The following KIF6 variants were observed in gnomAD, a reference collection of about 807,000 sequenced individuals.
KIF6 encodes kinesin family member 6.
In KIF6, 106 loss-of-function variants were observed where a neutral mutation model predicts 112.7. The observed-to-expected ratio is 0.94, with a 90% confidence interval of 0.80 to 1.11. The LOEUF (loss-of-function observed/expected upper bound fraction) is 1.11, where lower values mean the gene tolerates loss of function less well. Among genes scored for constraint, KIF6 ranks in the 50% least tolerant of loss-of-function variants. KIF6 has a pLI of 0.00. For synonymous variants in KIF6, 339 were observed against 339.9 expected (o/e 1.00, Z 0.03); for missense variants, 929 against 964.0 (o/e 0.96, Z 0.48).
At chr6:39,706,157 T>G (rs185104702) in intron 3 of KIF6, among the ~76,000 whole-genome samples, 2 of 152,344 alleles carry the variant, frequency 1.3e-5, no homozygotes, top group Admixed American at 1.3e-4. Flanking sequence ...ATCAAATAGC[T>G]TCATGCAACT....
chr6:39,557,474 T>G (rs1421104746), intron 10 of KIF6, among the ~76,000 whole-genome samples: 1 of 152,076 alleles, frequency 6.6e-6, no homozygotes, highest in Non-Finnish European at 1.5e-5. Context: ...AAAGGAAAAG[T>G]GCAAATTTAG....
chr6:39,634,852 A>T lies in KIF6; in HGVS notation c.506T>A (p.Leu169Ter). ...PRHEASSLED[L>*]PKVTILEDPD... is the part of the protein sequence containing the mutation. ...TCTTTGTTGTTCTGCTACTCACGGCAAATCTTCCAAACTGGAGGCTTCATG... is the reference window on the plus strand; with the variant it reads ...TCTTTGTTGTTCTGCTACTCACGGCTAATCTTCCAAACTGGAGGCTTCATG... Residue 169 changes from leucine to a stop codon, truncating the protein, a stop_gained, in exon 5 of 23, where the codon TTG becomes TAG. Coordinates refer to ENST00000287152, the MANE Select transcript of KIF6 (RefSeq NM_145027.6). LOFTEE classifies it high-confidence loss of function. 6.3e-7 allele frequency: 1 copy of T among 1,586,148 alleles called. No individual in the cohort carries two copies. The highest frequency in any genetic ancestry group is 1.1e-5 in the South Asian group (1 of 90,468).
intron 18 of KIF6, 51 bp from the exon 19 acceptor site, chr6:39,357,425 A>AG (rs1279216259): frequency 2.9e-6 from 3 of 1,027,776 alleles, no homozygotes; most frequent in Non-Finnish European, 4.5e-6. Flanking sequence ...CTAATGACAT[A>AG]GGAAGATGTT....
intron 17 of KIF6, among the ~76,000 whole-genome samples, chr6:39,361,776 C>T (rs9380849): frequency 0.43 from 55,968 of 128,730 alleles, 10,756 homozygotes; most frequent in Middle Eastern, 0.5. Flanking sequence ...GGGTGTGCGT[C>T]GGGGGGCAGG....
chr6:39,392,003 T>C (rs1189683363), intron 15 of KIF6, among the ~76,000 whole-genome samples: 1 of 152,224 alleles, frequency 6.6e-6, no homozygotes. Flanking sequence ...TGATACTTCA[T>C]GTCTCATGTC....
chr6:39,404,039 A>G (rs1310626263), intron 15 of KIF6, among the ~76,000 whole-genome samples: 1 of 152,008 alleles, frequency 6.6e-6, no homozygotes, highest in Non-Finnish European at 1.5e-5. Flanking sequence ...TTTGAGAGTT[A>G]ATATTTATGT....
At chr6:39,655,007 C>T (rs1471651667) in intron 3 of KIF6, among the ~76,000 whole-genome samples, 3 of 152,138 alleles carry the variant, frequency 2.0e-5, no homozygotes, top group Non-Finnish European at 4.4e-5. Context: ...GGTATACATT[C>T]AGTTTTGATA....
At chr6:39,430,027 C>T (rs1488210604) in intron 14 of KIF6, among the ~76,000 whole-genome samples, 1 of 152,188 alleles carries the variant, frequency 6.6e-6, no homozygotes, top group Non-Finnish European at 1.5e-5. Context: ...AATCTCTGTA[C>T]ACTTCCCAGT....
chr6:39,411,298 T>C (rs1346682192), intron 15 of KIF6, among the ~76,000 whole-genome samples: 1 of 152,196 alleles, frequency 6.6e-6, no homozygotes, highest in African/African-American at 2.4e-5. Context: ...CTCTTGGCTC[T>C]CCAGGTCCTG....
chr6:39,435,050 T>A (rs1233660252), intron 13 of KIF6, among the ~76,000 whole-genome samples: 2 of 152,168 alleles, frequency 1.3e-5, no homozygotes, highest in African/African-American at 2.4e-5. Context: ...GAGGCTTACA[T>A]AAATAAGTGA....
intron 13 of KIF6, among the ~76,000 whole-genome samples, chr6:39,472,281 A>G (rs1774161499): frequency 6.6e-6 from 1 of 152,016 alleles, no homozygotes; most frequent in Non-Finnish European, 1.5e-5. Flanking sequence ...TTCAGTTTTC[A>G]TGCCAGGCTT....
intron 18 of KIF6, among the ~76,000 whole-genome samples, 156 bp from the exon 19 acceptor site, chr6:39,357,530 C>CCT (rs902738130): frequency 4.0e-5 from 6 of 150,836 alleles, no homozygotes; most frequent in African/African-American, 1.5e-4. Flanking sequence ...CTCACTGCAA[C>CCT]CTCTGCCTTC....
At chr6:39,629,425 T>G (rs147451773) in intron 5 of KIF6, among the ~76,000 whole-genome samples, 1 of 152,098 alleles carries the variant, frequency 6.6e-6, no homozygotes, top group Non-Finnish European at 1.5e-5. Context: ...ACAGGTGATG[T>G]TGAGATTCTT....
chr6:39,627,285 T>C (rs1261825459), intron 5 of KIF6, among the ~76,000 whole-genome samples: 1 of 152,174 alleles, frequency 6.6e-6, no homozygotes, highest in Non-Finnish European at 1.5e-5. Context: ...CTTTGCCTGA[T>C]CTCTTGCATT....
intron 3 of KIF6, among the ~76,000 whole-genome samples, chr6:39,700,154 CA>C (rs912701252): frequency 1.6e-4 from 25 of 152,284 alleles, no homozygotes; most frequent in African/African-American, 5.8e-4. Context: ...ACAAATAATC[CA>C]ATTACACTCA....
chr6:39,478,253 C>A (rs1014985992), intron 13 of KIF6, among the ~76,000 whole-genome samples: 1 of 152,144 alleles, frequency 6.6e-6, no homozygotes, highest in Non-Finnish European at 1.5e-5. Flanking sequence ...GCCTTTGTAT[C>A]CTCATAGCTT....
chr6:39,379,159 G>C (rs1187931121), intron 16 of KIF6, among the ~76,000 whole-genome samples: 1 of 152,206 alleles, frequency 6.6e-6, no homozygotes, highest in Non-Finnish European at 1.5e-5. Flanking sequence ...GCTTCCTGCT[G>C]TCAGAAAATG....
chr6:39,443,156 T>TAATATAA (rs1554217806), intron 13 of KIF6, among the ~76,000 whole-genome samples: 18 of 113,090 alleles, frequency 1.6e-4, no homozygotes, highest in African/African-American at 6.0e-4. Context: ...ATAATAATAA[T>TAATATAA]AATAAATAAA....
At chr6:39,640,639 T>C (rs1784853225) in intron 3 of KIF6, among the ~76,000 whole-genome samples, 1 of 152,084 alleles carries the variant, frequency 6.6e-6, no homozygotes, top group Non-Finnish European at 1.5e-5. Flanking sequence ...ATATTAGAAT[T>C]CCTCCCTATT....
Sources: gnomAD v4.1 joint callset for allele counts (sites outside exome capture counted in the v4.1 genomes callset) on GRCh38, gnomAD v4.1.1 for gene constraint, MANE v1.5 for transcripts, NCBI Gene and HGNC (gene_info 2026-07-23, HGNC 2026-07-21) for gene names.